The following HECW1 variants were observed in gnomAD, a reference collection of about 807,000 sequenced individuals.
The protein encoded by HECW1 is HECT, C2 and WW domain containing E3 ubiquitin protein ligase 1.
Under a neutral mutation model 182.3 loss-of-function variants are expected in HECW1, and 61 were observed. The ratio of observed to expected loss-of-function variants is 0.33; its 90% CI spans 0.27 to 0.41. The LOEUF (loss-of-function observed/expected upper bound fraction) is 0.41, where lower values mean the gene tolerates loss of function less well. Among genes scored for constraint, HECW1 ranks in the 10% least tolerant of loss-of-function variants. The probability of loss-of-function intolerance (pLI) is 1.00; values close to 1 mark genes in which losing one functional copy is unlikely to be tolerated. For missense variants in HECW1, 1,739 were observed against 2,108.9 expected (o/e 0.82, Z 3.44); for synonymous variants, 859 against 832.6 (o/e 1.03, Z -0.55).
chr7:43,420,953 G>A (rs1259310619), intron 8 of HECW1, among the ~76,000 whole-genome samples: 1 of 152,002 alleles, frequency 6.6e-6, no homozygotes, highest in South Asian at 2.1e-4. Flanking sequence ...TCTAACATTT[G>A]TATTGAAATA....
chr7:43,302,797 C>A (rs558917494), intron 3 of HECW1, among the ~76,000 whole-genome samples: 1 of 152,316 alleles, frequency 6.6e-6, no homozygotes, highest in South Asian at 2.1e-4. Context: ...TTTCCACTTT[C>A]AATCAGGCTA....
chr7:43,115,625 T>C (rs1368158573), intron 2 of HECW1, among the ~76,000 whole-genome samples: 5 of 152,230 alleles, frequency 3.3e-5, no homozygotes, highest in Non-Finnish European at 5.9e-5. Flanking sequence ...TTGGTCTAAA[T>C]AGGCAGGCAG....
intron 2 of HECW1, among the ~76,000 whole-genome samples, chr7:43,156,042 A>G (rs1167651642): frequency 3.3e-5 from 5 of 152,236 alleles, no homozygotes; most frequent in African/African-American, 1.2e-4. Context: ...ACTGCAGTTA[A>G]ATAGTTAAGA....
At chr7:43,541,109 A>G (rs996061255) in intron 24 of HECW1, 54 bp from the exon 25 acceptor site, 1 of 1,375,144 alleles carries the variant, frequency 7.3e-7, no homozygotes, top group Non-Finnish European at 1.0e-6. Flanking sequence ...AAACTAAAAT[A>G]TTTAACAATG....
At position 43,261,426 on chromosome 7, in the gene HECW1, T is replaced by G. The variant is rs559085295; in HGVS notation, c.27+17494T>G. Among the ~76,000 whole-genome samples, 4 of 152,300 alleles carry G rather than the reference T, an allele frequency of 2.6e-5. No homozygotes were observed. The East Asian group carries it at 7.7e-4, about 29-fold the overall frequency. ...CCTCGTCGGATTTGTTCTCTTCTAT[T>G]TGCTCTTTCTCACATGTTTGCTGCC... On this transcript the variant is annotated intron_variant, in intron 3 of 29. Transcript: ENST00000395891.
At chr7:43,389,667 A>G (rs1228448118) in intron 6 of HECW1, among the ~76,000 whole-genome samples, 1 of 151,898 alleles carries the variant, frequency 6.6e-6, no homozygotes, top group Non-Finnish European at 1.5e-5. Context: ...AAGAGACAGG[A>G]TCTCATTCTG....
chr7:43,541,190 T>C lies in HECW1; in HGVS notation c.4047T>C (p.Gly1349=), dbSNP rs2152953473. The change falls in exon 25 of 30, where the codon GGT becomes GGC. Residue 1349 remains glycine (G), a synonymous_variant. Transcript: ENST00000395891. ...EWFRFSGRIL[G]LALIHQYLLD... is the part of the protein sequence containing the mutation. The stretch of plus-strand genomic sequence containing the variant: ...TCAGGTTTAGCGGTCGCATCCTGGG[T>C]CTGGCTCTGATCCATCAGTACCTTC... 6.2e-7 allele frequency: 1 copy of C among 1,614,204 alleles called. No individual in the cohort carries two copies. The highest frequency in any genetic ancestry group is 1.1e-5 in the South Asian group (1 of 91,086).
intron 2 of HECW1, among the ~76,000 whole-genome samples, chr7:43,193,661 C>T (rs773766101): frequency 2.0e-5 from 3 of 152,118 alleles, no homozygotes; most frequent in Admixed American, 6.6e-5. Context: ...GGATTATAAG[C>T]ATGAGCCACC....
chr7:43,531,023 A>G (rs748582044), intron 24 of HECW1, among the ~76,000 whole-genome samples: 18 of 152,164 alleles, frequency 1.2e-4, no homozygotes, highest in Non-Finnish European at 1.9e-4. Context: ...ACCTCCTGCT[A>G]TCTCTCTCCA....
At chr7:43,414,096 G>A (rs1217654381) in intron 8 of HECW1, among the ~76,000 whole-genome samples, 1 of 151,718 alleles carries the variant, frequency 6.6e-6, no homozygotes, top group Non-Finnish European at 1.5e-5. Flanking sequence ...AGCATGGAAT[G>A]TTCTTCCATT....
At chr7:43,180,173 CA>C (rs1792683649) in intron 2 of HECW1, among the ~76,000 whole-genome samples, 1 of 110,332 alleles carries the variant, frequency 9.1e-6, no homozygotes, top group Non-Finnish European at 1.8e-5. Flanking sequence ...CAACTTATAG[CA>C]GAGGTTATGT....
chr7:43,323,965 C>T (rs1248291037), intron 5 of HECW1, among the ~76,000 whole-genome samples: 1 of 151,444 alleles, frequency 6.6e-6, no homozygotes, highest in Non-Finnish European at 1.5e-5. Flanking sequence ...ACCAGGGAGG[C>T]GGAGGTTGCA....
chr7:43,456,182 G>A, intron 12 of HECW1, 115 bp from the exon 13 acceptor site: 1 of 1,065,046 alleles, frequency 9.4e-7, no homozygotes, highest in South Asian at 1.7e-5. Flanking sequence ...GGTCTGGCCT[G>A]CAGCCATGAA....
At chr7:43,172,712 G>C (rs956334549) in intron 2 of HECW1, among the ~76,000 whole-genome samples, 3 of 152,082 alleles carry the variant, frequency 2.0e-5, no homozygotes, top group Non-Finnish European at 4.4e-5. Context: ...ATCCCTAAAG[G>C]GAACAAATGT....
chr7:43,274,579 T>C (rs1802849373), intron 3 of HECW1: 1 of 491,632 alleles, frequency 2.0e-6, no homozygotes, highest in Non-Finnish European at 3.9e-6. Context: ...ACATCTTCTT[T>C]TAGGTGCAGG....
At chr7:43,427,159 T>C (rs1194980494) in intron 8 of HECW1, among the ~76,000 whole-genome samples, 3 of 152,204 alleles carry the variant, frequency 2.0e-5, no homozygotes, top group African/African-American at 4.8e-5. Context: ...TTGACAGTTA[T>C]TTTTCCCTCA....
At chr7:43,318,112 C>T (rs1410696254) in intron 4 of HECW1, among the ~76,000 whole-genome samples, 1 of 152,196 alleles carries the variant, frequency 6.6e-6, no homozygotes, top group African/African-American at 2.4e-5. Flanking sequence ...TTATCTCATG[C>T]ATGAATGGAC....
chr7:43,179,053 G>T (rs772927726), intron 2 of HECW1, among the ~76,000 whole-genome samples: 1 of 152,192 alleles, frequency 6.6e-6, no homozygotes, highest in Non-Finnish European at 1.5e-5. Context: ...CCCTTCACAA[G>T]TAACACCGAG....
chr7:43,198,632 TCACACACCCCACACTCTATCTCA>T (rs1398430291), intron 2 of HECW1, among the ~76,000 whole-genome samples: 1 of 138,352 alleles, frequency 7.2e-6, no homozygotes, highest in African/African-American at 2.7e-5. Flanking sequence ...CACACCATAG[TCACACACCCCACACTCTATCTCA>T]CACACACCCC....
Sources: allele counts gnomAD v4.1 joint callset (sites outside exome capture counted in the v4.1 genomes callset), GRCh38; gene constraint gnomAD v4.1.1; transcripts MANE v1.5; gene names NCBI Gene and HGNC (gene_info 2026-07-23, HGNC 2026-07-21).